The following ENTREP2 variants were observed in gnomAD, a reference collection of about 807,000 sequenced individuals.
ENTREP2 encodes protein ENTREP2.
chr15:29,597,982 C>T, the ENTREP2 span, among the ~76,000 whole-genome samples: 15 of 152,098 alleles, frequency 9.9e-5, no homozygotes, highest in Non-Finnish European at 2.2e-4. Context: ...ATTAGCCAGG[C>T]CTCATGGCAT....
chr15:29,425,205 T>TG, the ENTREP2 span, among the ~76,000 whole-genome samples: 1 of 151,232 alleles, frequency 6.6e-6, no homozygotes, highest in East Asian at 1.9e-4. Context: ...TTTTGTTTTT[T>TG]TTTTTGTATT....
chr15:29,556,978 C>A, the ENTREP2 span, among the ~76,000 whole-genome samples: 5 of 152,236 alleles, frequency 3.3e-5, no homozygotes, highest in Non-Finnish European at 7.3e-5. Context: ...GCATAATGCT[C>A]AAGGTATTCC....
the ENTREP2 span, among the ~76,000 whole-genome samples, chr15:29,206,528 C>G: frequency 1.3e-5 from 2 of 152,092 alleles, no homozygotes; most frequent in African/African-American, 4.8e-5. Flanking sequence ...TATGCTAAGT[C>G]AAAGAGGCCA....
the ENTREP2 span, among the ~76,000 whole-genome samples, chr15:29,553,504 G>A: frequency 6.6e-6 from 1 of 152,150 alleles, no homozygotes; most frequent in Non-Finnish European, 1.5e-5. Flanking sequence ...TCTGCAGTGT[G>A]ACCCTTGTCT....
the ENTREP2 span, among the ~76,000 whole-genome samples, chr15:29,429,635 G>C: frequency 6.6e-6 from 1 of 152,244 alleles, no homozygotes; most frequent in Non-Finnish European, 1.5e-5. Context: ...GCTGGTTGCA[G>C]TCCTTCCTCC....
At chr15:29,508,686 C>T in the ENTREP2 span, among the ~76,000 whole-genome samples, 1 of 152,198 alleles carries the variant, frequency 6.6e-6, no homozygotes, top group Non-Finnish European at 1.5e-5. Context: ...AAAAGGTCTT[C>T]GATAAAATTC....
chr15:29,649,727 C>CAAAAAAAAAAAAAAAAA, the ENTREP2 span, among the ~76,000 whole-genome samples: 1 of 66,952 alleles, frequency 1.5e-5, no homozygotes, highest in African/African-American at 5.0e-5. Context: ...TCAACAACAA[C>CAAAAAAAAAAAAAAAAA]AAAAAAAAAA....
At chr15:29,272,762 C>T in the ENTREP2 span, among the ~76,000 whole-genome samples, 5 of 152,198 alleles carry the variant, frequency 3.3e-5, no homozygotes, top group Admixed American at 3.3e-4. Context: ...CTTCATGTCT[C>T]TCCCTGGGAC....
At chr15:29,398,617 G>A in the ENTREP2 span, among the ~76,000 whole-genome samples, 5 of 152,104 alleles carry the variant, frequency 3.3e-5, no homozygotes, top group East Asian at 3.9e-4. Flanking sequence ...TCAGCTACTC[G>A]GGAGGCTGAG....
chr15:29,339,605 G>A, the ENTREP2 span, among the ~76,000 whole-genome samples: 1,484 of 152,264 alleles, frequency 9.7e-3, 12 homozygotes, highest in Non-Finnish European at 0.016. Context: ...ACCAAATAAC[G>A]TTTTAATGAC....
At chr15:29,627,098 C>A in the ENTREP2 span, among the ~76,000 whole-genome samples, 1 of 151,962 alleles carries the variant, frequency 6.6e-6, no homozygotes, top group Non-Finnish European at 1.5e-5. Flanking sequence ...GCATTTGGTG[C>A]TGTAAATTTC....
chr15:29,443,840 C>A, the ENTREP2 span, among the ~76,000 whole-genome samples: 1 of 152,038 alleles, frequency 6.6e-6, no homozygotes. Context: ...CGCGGTGGCT[C>A]ACACCTGTAA....
the ENTREP2 span, chr15:29,151,697 C>T: frequency 1.2e-5 from 18 of 1,501,748 alleles, no homozygotes; most frequent in Non-Finnish European, 1.6e-5. Flanking sequence ...ACACTGGTTT[C>T]AAACCGCGCA....
the ENTREP2 span, among the ~76,000 whole-genome samples, chr15:29,645,175 A>G: frequency 6.6e-6 from 1 of 152,220 alleles, no homozygotes; most frequent in Non-Finnish European, 1.5e-5. Context: ...AAGAAAAGAA[A>G]TCCATGGCCC....
At chr15:29,264,077 C>A in the ENTREP2 span, among the ~76,000 whole-genome samples, 1 of 143,138 alleles carries the variant, frequency 7.0e-6, no homozygotes, top group Non-Finnish European at 1.5e-5. Flanking sequence ...ATCGCTTGAA[C>A]CCAGGAGGCG....
the ENTREP2 span, among the ~76,000 whole-genome samples, chr15:29,499,853 G>C: frequency 6.6e-6 from 1 of 152,038 alleles, no homozygotes; most frequent in African/African-American, 2.4e-5. Context: ...GTCTACAAGA[G>C]ACTCACTTTA....
the ENTREP2 span, among the ~76,000 whole-genome samples, chr15:29,162,633 C>A: frequency 6.6e-6 from 1 of 152,070 alleles, no homozygotes; most frequent in South Asian, 2.1e-4. Context: ...TCACACCCAT[C>A]CCCCACAGGA....
At chr15:29,469,354 C>T in the ENTREP2 span, among the ~76,000 whole-genome samples, 4 of 152,190 alleles carry the variant, frequency 2.6e-5, no homozygotes, top group Admixed American at 2.6e-4. Context: ...CGCACGCCAC[C>T]ACGCCCAGCT....
the ENTREP2 span, among the ~76,000 whole-genome samples, chr15:29,431,289 AT>A: frequency 6.6e-6 from 1 of 152,082 alleles, no homozygotes; most frequent in Non-Finnish European, 1.5e-5. Flanking sequence ...CGTATGGTTT[AT>A]TGTGATAAGT....
Sources: allele counts gnomAD v4.1 joint callset (sites outside exome capture counted in the v4.1 genomes callset), GRCh38; gene constraint gnomAD v4.1.1; transcripts MANE v1.5; gene names NCBI Gene and HGNC (gene_info 2026-07-23, HGNC 2026-07-21).